The following HECW2 variants were observed in gnomAD, a reference collection of about 807,000 sequenced individuals.
HECW2 encodes E3 ubiquitin-protein ligase HECW2.
A neutral mutation model predicts 175.2 loss-of-function variants in HECW2; 61 were observed. The ratio of observed to expected loss-of-function variants is 0.35; its 90% CI spans 0.28 to 0.43. The LOEUF (loss-of-function observed/expected upper bound fraction) is 0.43, where lower values mean the gene tolerates loss of function less well. HECW2 is among the 20% of genes least tolerant of loss of function. The pLI is 1.00. For synonymous variants in HECW2, 671 were observed against 731.0 expected (o/e 0.92, Z 1.32); for missense variants, 1,524 against 2,000.5 (o/e 0.76, Z 4.54).
intron 1 of HECW2, among the ~76,000 whole-genome samples, chr2:196,486,295 A>ACTAAATGGAG (rs1270004529): frequency 6.6e-6 from 1 of 152,230 alleles, no homozygotes; most frequent in Non-Finnish European, 1.5e-5. Context: ...GTATTTTCAC[A>ACTAAATGGAG]GCTCTCCAGA....
intron 21 of HECW2, among the ~76,000 whole-genome samples, chr2:196,233,363 C>T (rs780555360): frequency 2.0e-5 from 3 of 152,134 alleles, no homozygotes; most frequent in Non-Finnish European, 4.4e-5. Flanking sequence ...TGGCACTCCA[C>T]CCAAGTTGTC....
intron 1 of HECW2, among the ~76,000 whole-genome samples, chr2:196,585,696 G>A (rs1407237067): frequency 2.0e-5 from 3 of 152,060 alleles, no homozygotes; most frequent in Admixed American, 2.0e-4. Context: ...GAAGGAGAAA[G>A]AGAAGAGAGG....
chr2:196,381,684 G>A (rs1455192486), intron 2 of HECW2, among the ~76,000 whole-genome samples: 2 of 152,062 alleles, frequency 1.3e-5, no homozygotes, highest in Non-Finnish European at 2.9e-5. Context: ...CATTAGTAAG[G>A]CAACATCCCC....
chr2:196,579,042 A>T (rs1654313847), intron 1 of HECW2, among the ~76,000 whole-genome samples: 1 of 152,214 alleles, frequency 6.6e-6, no homozygotes, highest in Non-Finnish European at 1.5e-5. Context: ...TTTATAATGT[A>T]TAAAGATGTA....
intron 28 of HECW2, among the ~76,000 whole-genome samples, chr2:196,203,449 G>C (rs1033709273): frequency 6.6e-6 from 1 of 152,156 alleles, no homozygotes. Context: ...TCCAGGGGTA[G>C]GGGAGGAAGA....
chr2:196,459,678 C>T (rs1228210035), intron 1 of HECW2, among the ~76,000 whole-genome samples: 1 of 152,150 alleles, frequency 6.6e-6, no homozygotes, highest in East Asian at 1.9e-4. Flanking sequence ...CCTCCTGAAA[C>T]CGCCCCTCCT....
At chr2:196,360,624 CTCT>C (rs1371991089) in intron 2 of HECW2, among the ~76,000 whole-genome samples, 1 of 152,082 alleles carries the variant, frequency 6.6e-6, no homozygotes, top group Admixed American at 6.6e-5. Context: ...ACAAAATAAT[CTCT>C]TCAACAAACT....
intron 1 of HECW2, among the ~76,000 whole-genome samples, chr2:196,555,622 G>A (rs1689767791): frequency 6.6e-6 from 1 of 152,088 alleles, no homozygotes; most frequent in South Asian, 2.1e-4. Flanking sequence ...AAATTATTCA[G>A]CTAAAGGTAC....
chr2:196,562,366 A>G (rs987792054), intron 1 of HECW2, among the ~76,000 whole-genome samples: 1 of 152,260 alleles, frequency 6.6e-6, no homozygotes, highest in African/African-American at 2.4e-5. Context: ...GGAATTCAGT[A>G]TACTTTACAG....
intron 2 of HECW2, 100 bp downstream of exon 2, chr2:196,433,032 A>G: frequency 9.4e-7 from 1 of 1,061,682 alleles, no homozygotes; most frequent in Non-Finnish European, 1.4e-6. Context: ...GTATATGTGC[A>G]TGTGAATTTT....
intron 1 of HECW2, among the ~76,000 whole-genome samples, chr2:196,512,452 C>G (rs776451027): frequency 6.6e-6 from 1 of 151,540 alleles, no homozygotes; most frequent in Non-Finnish European, 1.5e-5. Context: ...AGTGCAGTGG[C>G]ATGATCACAG....
intron 1 of HECW2, among the ~76,000 whole-genome samples, chr2:196,587,609 A>G (rs544932877): frequency 6.6e-6 from 1 of 152,374 alleles, no homozygotes; most frequent in East Asian, 1.9e-4. Flanking sequence ...TGGGAATACA[A>G]TTTAAGAACA....
chr2:196,523,451 A>G (rs1212163441), intron 1 of HECW2, among the ~76,000 whole-genome samples: 2 of 151,542 alleles, frequency 1.3e-5, no homozygotes, highest in Admixed American at 1.3e-4. Flanking sequence ...TCTTTTCCTA[A>G]TTGAATACCC....
intron 1 of HECW2, among the ~76,000 whole-genome samples, chr2:196,570,364 G>A (rs1316659836): frequency 1.3e-5 from 2 of 152,192 alleles, no homozygotes; most frequent in Non-Finnish European, 2.9e-5. Context: ...CGACGTCAGA[G>A]TCATAAATCA....
In HECW2 at chr2:196,220,784, A is replaced by C. The variant is rs749966170; in HGVS notation, c.4293+11T>G. 1.2e-6 allele frequency: 2 copies of C among 1,613,832 alleles called. No individual in the cohort carries two copies. The highest frequency in any genetic ancestry group is 4.5e-5 in the East Asian group (2 of 44,880). ...AGACTGCAAACTCCTCCTACTGCTG[A>C]TTGTCTTTACCTCATAGAAGCCACG... is the stretch of plus-strand genomic sequence containing the variant. On this transcript the variant is annotated intron_variant, in intron 25 of 28. Coordinates refer to ENST00000644978, the MANE Select transcript of HECW2 (RefSeq NM_001348768.2).
intron 2 of HECW2, chr2:196,362,048 A>G: frequency 1.0e-6 from 1 of 985,052 alleles, no homozygotes; most frequent in South Asian, 4.7e-5. Context: ...TCTTCCCCCA[A>G]AGTTCTAGAA....
At chr2:196,458,436 T>TCA (rs34752264) in intron 1 of HECW2, among the ~76,000 whole-genome samples, 96,755 of 146,754 alleles carry the variant, frequency 0.66, 36,077 homozygotes, top group East Asian at 0.88. Flanking sequence ...TCTCACTCAC[T>TCA]CACACACACA....
chr2:196,544,782 C>T (rs1482737493), intron 1 of HECW2, among the ~76,000 whole-genome samples: 2 of 152,156 alleles, frequency 1.3e-5, no homozygotes, highest in African/African-American at 4.8e-5. Flanking sequence ...ATACCACACA[C>T]ACAATGTGGT....
chr2:196,593,099 C>A (rs1222579384), intron 1 of HECW2, among the ~76,000 whole-genome samples: 1 of 151,154 alleles, frequency 6.6e-6, no homozygotes, highest in Non-Finnish European at 1.5e-5. Flanking sequence ...CGGGCTGGGT[C>A]TCGGCTCGCC....
Sources: gnomAD v4.1 joint callset for allele counts (sites outside exome capture counted in the v4.1 genomes callset) on GRCh38, gnomAD v4.1.1 for gene constraint, MANE v1.5 for transcripts, NCBI Gene and HGNC (gene_info 2026-07-23, HGNC 2026-07-21) for gene names.